Variants in DNAJC13 observed in about 807,000 individuals in gnomAD.
The protein encoded by DNAJC13 is dnaJ homolog subfamily C member 13.
Under a neutral mutation model 290.5 loss-of-function variants are expected in DNAJC13, and 75 were observed. The observed-to-expected ratio is 0.26, with a 90% CI of 0.21 to 0.31. The LOEUF (loss-of-function observed/expected upper bound fraction) is 0.31, where lower values mean the gene tolerates loss of function less well. Ranked by LOEUF, DNAJC13 falls within the 10% of genes least tolerant of loss-of-function variation. The probability of loss-of-function intolerance (pLI) is 1.00; values close to 1 mark genes in which losing one functional copy is unlikely to be tolerated. For missense variants in DNAJC13, 2,260 were observed against 2,674.5 expected, an observed-to-expected ratio of 0.85 and a Z score of 3.42; for synonymous variants, 862 against 892.0, an observed-to-expected ratio of 0.97 and a Z score of 0.60.
chr3:132,466,570 T>A lies in DNAJC13; in HGVS notation c.2064+176T>A, dbSNP rs73215993. On this transcript the variant is annotated intron_variant, in intron 19 of 55. Transcript: ENST00000260818. ...ATTTACATCCCATAATATTCATCTT[T>A]TTAAGGTATACAATTAAATAATTTG... is the stretch of plus-strand genomic sequence containing the variant. Among the ~76,000 whole-genome samples the A allele has an allele frequency of 0.052, 7,892 of 152,288 alleles. 409 individuals carry two copies. Among genetic ancestry groups the A allele is most frequent in the African/African-American group, 0.14 (5,613 of 41,542 alleles).
At chr3:132,492,334 A>G in intron 32 of DNAJC13, 80 bp from the exon 33 acceptor site, 5 of 1,343,084 alleles carry the variant, frequency 3.7e-6, no homozygotes, top group South Asian at 1.2e-5. Flanking sequence ...TCATGTAACT[A>G]TCTTACATGA....
intron 20 of DNAJC13, chr3:132,472,646 T>G: frequency 3.2e-6 from 3 of 947,948 alleles, no homozygotes; most frequent in Non-Finnish European, 2.5e-6. Context: ...TGATATTCTC[T>G]GTTTAATAAA....
At position 132,538,223 on chromosome 3, in the gene DNAJC13, A is replaced by C. The variant is rs369566780; in HGVS notation, c.6673A>C (p.Met2225Leu). 17 of 1,613,958 alleles carry C rather than the reference A, an allele frequency of 1.1e-5. No individual in the cohort carries two copies. Among genetic ancestry groups the C allele is most frequent in the South Asian group, 8.8e-5 (8 of 91,068 alleles). The change falls in exon 56 of 56, where the codon ATG becomes CTG. Residue 2225 changes from methionine to leucine, a missense_variant. Coordinates refer to ENST00000260818, the MANE Select transcript of DNAJC13 (RefSeq NM_015268.4). ...TACCGCAGGTACATCTACATCAGTC[A>C]TGTCTAACCTGCCACCTCCTGTAGA... ...YLTAGTSTSV[M>L]SNLPPPVDHE...
Position 132,507,213 on chromosome 3 carries a change from T to C in DNAJC13, c.4999-24T>C, listed in dbSNP as rs375683170. ...ACATGGATAGATTTACATCTAACAG[T>C]CTATTTTTTCATCTTTTAAAAAGGG... On this transcript the variant is annotated intron_variant, in intron 42 of 55. Coordinates refer to ENST00000260818, the MANE Select transcript of DNAJC13 (RefSeq NM_015268.4). 15 of 1,381,194 alleles carry C rather than the reference T, an allele frequency of 1.1e-5. No individual in the cohort carries two copies. In the African/African-American group the frequency reaches 2.1e-4, roughly 20 times the overall value. 85.6% of individuals were successfully genotyped at this position (1,381,194 alleles called of 1,614,324 possible). A position where few individuals can be genotyped will look rare whatever the true frequency, so the allele number is the denominator to read the frequency against.
intron 1 of DNAJC13, among the ~76,000 whole-genome samples, chr3:132,429,888 G>A (rs1314150353): frequency 6.6e-6 from 1 of 152,116 alleles, no homozygotes; most frequent in African/African-American, 2.4e-5. Context: ...TTTATTGGAT[G>A]CAGAGTAAAA....
Position 132,538,226 on chromosome 3 carries a change from T to G in DNAJC13, c.6676T>G (p.Ser2226Ala), listed in dbSNP as rs1276451693. Residue 2226 changes from serine (S) to alanine (A), a missense_variant, in exon 56 of 56, where the codon TCT becomes GCT. By Grantham distance (99) the Ser-to-Ala change is moderately conservative (BLOSUM62 1). Around this residue, in one of 3 missense-constraint regions of DNAJC13, gnomAD observed 1,494 missense variants for 1,693.7 expected, o/e 0.88. Coordinates refer to ENST00000260818, the MANE Select transcript of DNAJC13 (RefSeq NM_015268.4). The part of the protein sequence containing the change: ...LTAGTSTSVM[S>A]NLPPPVDHEA... ...CGCAGGTACATCTACATCAGTCATG[T>G]CTAACCTGCCACCTCCTGTAGACCA... is the stretch of plus-strand genomic sequence containing the variant. 1 of 1,613,976 alleles carries G rather than the reference T, an allele frequency of 6.2e-7. No individual in the cohort carries two copies. Among genetic ancestry groups the G allele is most frequent in the Non-Finnish European group, 8.5e-7 (1 of 1,179,984 alleles).
intron 36 of DNAJC13, among the ~76,000 whole-genome samples, chr3:132,498,707 T>G (rs1228534282): frequency 6.6e-6 from 1 of 151,988 alleles, no homozygotes; most frequent in Non-Finnish European, 1.5e-5. Context: ...TTTTTACGTT[T>G]TATTTTATTT....
chr3:132,449,486 T>G (rs1335459981), intron 5 of DNAJC13, among the ~76,000 whole-genome samples: 1 of 152,168 alleles, frequency 6.6e-6, no homozygotes, highest in Non-Finnish European at 1.5e-5. Context: ...ATCTTTTGGT[T>G]CAGAATCAAG....
At chr3:132,484,010 C>T (rs1934771195) in intron 28 of DNAJC13, among the ~76,000 whole-genome samples, 1 of 152,166 alleles carries the variant, frequency 6.6e-6, no homozygotes, top group African/African-American at 2.4e-5. Context: ...ATAAGGATAA[C>T]ACTTGCATGT....
chr3:132,438,719 A>G (rs887372553), intron 2 of DNAJC13, among the ~76,000 whole-genome samples: 1 of 152,204 alleles, frequency 6.6e-6, no homozygotes, highest in East Asian at 1.9e-4. Context: ...AGTAGTTTTC[A>G]TTATTACCTC....
At chr3:132,432,180 T>TTTTTTG (rs1939257310) in intron 1 of DNAJC13, among the ~76,000 whole-genome samples, 1 of 152,054 alleles carries the variant, frequency 6.6e-6, no homozygotes, top group Admixed American at 6.6e-5. Flanking sequence ...TTCTACAAAT[T>TTTTTTG]TTTTTGTTTT....
intron 2 of DNAJC13, among the ~76,000 whole-genome samples, chr3:132,440,432 A>T (rs780451522): frequency 6.6e-6 from 1 of 152,282 alleles, no homozygotes; most frequent in Non-Finnish European, 1.5e-5. Flanking sequence ...CATAAGTGCC[A>T]AGTACTTTAC....
In DNAJC13 at chr3:132,450,690, C is replaced by G. The variant is rs948711048; in HGVS notation, c.380C>G (p.Pro127Arg). ...YKHHWSDSRK[P>R]VILEVTPGGF... Reference sequence around the variant, plus strand: ...CATCACTGGAGTGACTCAAGAAAACCTGTAATTTTGGAAGTAACTCCAGGA... The same window carrying G: ...CATCACTGGAGTGACTCAAGAAAACGTGTAATTTTGGAAGTAACTCCAGGA... Residue 127 changes from proline (P) to arginine (R), a missense_variant, in exon 6 of 56, where the codon CCT becomes CGT. Pro to Arg is a moderately radical substitution (Grantham distance 103). Coordinates refer to ENST00000260818, the MANE Select transcript of DNAJC13 (RefSeq NM_015268.4). 1.9e-6 allele frequency: 3 copies of G among 1,612,944 alleles called. No homozygotes were observed. The highest frequency in any genetic ancestry group is 2.7e-5 in the African/African-American group (2 of 74,798).
intron 1 of DNAJC13, among the ~76,000 whole-genome samples, chr3:132,424,789 A>G (rs1939048644): frequency 6.6e-6 from 1 of 152,086 alleles, no homozygotes; most frequent in Admixed American, 6.5e-5. Context: ...GGTAGGTACT[A>G]AAATCTTTGT....
At chr3:132,505,441 T>C in intron 42 of DNAJC13, 26 bp downstream of exon 42, 1 of 1,441,870 alleles carries the variant, frequency 6.9e-7, no homozygotes, top group Non-Finnish European at 9.7e-7. Flanking sequence ...ATAAATTTCT[T>C]GGGTAATTTA....
In DNAJC13 at chr3:132,496,861, C is replaced by T. The variant is rs113602072; in HGVS notation, c.4156+198C>T. Among the ~76,000 whole-genome samples, 909 of 152,228 alleles carry T rather than the reference C, an allele frequency of 6.0e-3. 9 individuals are homozygous for T. Among genetic ancestry groups the T allele is most frequent in the East Asian group, 0.03 (154 of 5,184 alleles). On this transcript the variant is annotated intron_variant, in intron 36 of 55. Coordinates refer to ENST00000260818, the MANE Select transcript of DNAJC13 (RefSeq NM_015268.4). ...CCAAATATTTGTTTTATATCTTTCC[C>T]TTCATAACTATGTTTTTCAGTATTT...
intron 55 of DNAJC13, among the ~76,000 whole-genome samples, chr3:132,533,057 CTT>C (rs35854494): frequency 6.8e-5 from 7 of 102,854 alleles, no homozygotes; most frequent in Admixed American, 1.1e-4. Flanking sequence ...CCACACCTGG[CTT>C]TTTTTTTTTT....
intron 15 of DNAJC13, 92 bp downstream of exon 15, chr3:132,461,297 T>C: frequency 1.4e-6 from 2 of 1,402,150 alleles, no homozygotes; most frequent in Non-Finnish European, 2.0e-6. Flanking sequence ...TGCATACTTC[T>C]ATAGCAGAGG....
At chr3:132,517,255 C>T (rs1282219398) in intron 48 of DNAJC13, among the ~76,000 whole-genome samples, 3 of 152,186 alleles carry the variant, frequency 2.0e-5, no homozygotes, top group African/African-American at 7.2e-5. Context: ...ATGAGTGTAA[C>T]AACACTTCTG....
Sources: gnomAD v4.1 joint callset for allele counts (sites outside exome capture counted in the v4.1 genomes callset) on GRCh38, gnomAD v4.1.1 for gene constraint, gnomAD v4.1.1 regional missense constraint, MANE v1.5 for transcripts, NCBI Gene and HGNC (gene_info 2026-07-23, HGNC 2026-07-21) for gene names.